PHACTR2: variants seen among roughly 807,000 people sequenced by gnomAD.
PHACTR2 encodes chromosome 6 open reading frame 56.
PHACTR2 carries 30 observed loss-of-function variants against 76.0 expected under a neutral mutation model. The ratio of observed to expected loss-of-function variants is 0.39; its 90% CI spans 0.30 to 0.54. The LOEUF is 0.54. PHACTR2 is among the 20% of genes least tolerant of loss of function. The pLI is 0.61. For synonymous variants in PHACTR2, 292 were observed against 292.5 expected, an observed-to-expected ratio of 1.00 and a Z score of 0.02; for missense variants, 696 against 781.1, an observed-to-expected ratio of 0.89 and a Z score of 1.30.
rs533598653 is a variant in PHACTR2, at chr6:143,647,777, A to G, written c.13+39455A>G. On this transcript the variant is annotated intron_variant, in intron 1 of 11. Coordinates refer to the PHACTR2 transcript ENST00000305766. This position sits in a 1 kb window ranked among gnomAD's most constrained non-coding sequence, Gnocchi z 4.2. ...GTGCACAGCCCCCTGTGCTGGGAAT[A>G]GGCTTGTGTCTGAGAACCACAAAAA... is the stretch of plus-strand genomic sequence containing the variant. Among the ~76,000 whole-genome samples, 1 of 152,300 alleles carries G rather than the reference A, an allele frequency of 6.6e-6. No individual in the cohort carries two copies. The highest frequency in any genetic ancestry group is 1.9e-4 in the East Asian group (1 of 5,180).
Position 143,550,199 on chromosome 6 carries a change from A to C in PHACTR2, c.217+12992A>C, listed in dbSNP as rs1001340334. Among the ~76,000 whole-genome samples, 1 of 152,064 alleles carries C rather than the reference A, an allele frequency of 6.6e-6. No homozygotes were observed. The highest frequency in any genetic ancestry group is 2.4e-5 in the African/African-American group (1 of 41,434). On this transcript the variant is annotated intron_variant, in intron 1 of 11. Transcript: ENST00000367584. This position sits in a 1 kb window ranked among gnomAD's most constrained non-coding sequence, Gnocchi z 4.8. The stretch of plus-strand genomic sequence containing the variant: ...TTCTCATACACATTCTAACATAGGA[A>C]TCACCCGGGGATCTTGTTGAAATGC...
rs189234852 is a variant in PHACTR2, at chr6:143,719,799, C to A, written c.214+7616C>A. On this transcript the variant is annotated intron_variant, in intron 2 of 12. Coordinates refer to ENST00000440869, the MANE Select transcript of PHACTR2 (RefSeq NM_001100164.2). ...ATCTAGATCCACAGAGGGCTTCTTG[C>A]TTTGTGTTCGACACTTTTTTTTTTT... Among the ~76,000 whole-genome samples the A allele has an allele frequency of 1.1e-3, 164 of 142,666 alleles. 2 individuals carry two copies. The highest frequency in any genetic ancestry group is 9.5e-4 in the Non-Finnish European group (63 of 66,236). 93.6% of individuals were successfully genotyped at this position (142,666 alleles called of 152,430 possible). A position where few individuals can be genotyped will look rare whatever the true frequency, so the allele number is the denominator to read the frequency against.
chr6:143,630,523 A>G (rs1302908856), intron 1 of PHACTR2, among the ~76,000 whole-genome samples: 1 of 152,218 alleles, frequency 6.6e-6, no homozygotes, highest in African/African-American at 2.4e-5. Context: ...GTAAACAACT[A>G]TCATTAATCC....
chr6:143,587,066 A>G (rs953605233), intron 1 of PHACTR2, among the ~76,000 whole-genome samples: 10 of 152,202 alleles, frequency 6.6e-5, no homozygotes, highest in East Asian at 1.9e-4. Flanking sequence ...CCTGTTTAGA[A>G]AAAAAAGGTA....
rs148275617 is a variant in PHACTR2 at position 143,592,795 on chromosome 6, C to T, written c.217+55588C>T. On this transcript the variant is annotated intron_variant, in intron 1 of 11. Transcript: ENST00000367584. This position sits in a 1 kb window ranked among gnomAD's most constrained non-coding sequence, Gnocchi z 4.0. ...GGGCACGGTGGCTCAAGCCTGTAATCCCAGCACTTTGGGAGGCCAAGGCGA... is the reference window on the plus strand; with the variant it reads ...GGGCACGGTGGCTCAAGCCTGTAATTCCAGCACTTTGGGAGGCCAAGGCGA... Among the ~76,000 whole-genome samples, 737 of 152,100 alleles carry T rather than the reference C, an allele frequency of 4.8e-3. 6 individuals carry two copies. The highest frequency in any genetic ancestry group is 0.034 in the Middle Eastern group (10 of 292).
chr6:143,578,313 T>C lies in PHACTR2; in HGVS notation c.217+41106T>C, dbSNP rs1315902327. On this transcript the variant is annotated intron_variant, in intron 1 of 11. Transcript: ENST00000367584. The surrounding 1 kb of genome is among the most constrained non-coding windows in gnomAD (Gnocchi z 4.5). The stretch of plus-strand genomic sequence containing the variant: ...ATCCTCCATGTTTCCCCTTCTAGGA[T>C]GATCTAGTTTGATTCAACTCTTCTT... Among the ~76,000 whole-genome samples the C allele has an allele frequency of 2.6e-5, 4 of 152,228 alleles. No individual in the cohort carries two copies. The highest frequency in any genetic ancestry group is 9.6e-5 in the African/African-American group (4 of 41,464).
Position 143,589,526 on chromosome 6 carries a change from G to A in PHACTR2, c.217+52319G>A, listed in dbSNP as rs12199016. On this transcript the variant is annotated intron_variant, in intron 1 of 11. Transcript: ENST00000367584. The surrounding 1 kb of genome is among the most constrained non-coding windows in gnomAD (Gnocchi z 4.4). ...TTCTTTATTAATTACTCAGTCTCAG[G>A]TAGTTCTTGCAATGCGAGAACAGAC... is the stretch of plus-strand genomic sequence containing the variant. Among the ~76,000 whole-genome samples, 42,149 of 151,928 alleles carry A rather than the reference G, an allele frequency of 0.28. 7,255 individuals carry two copies. Among genetic ancestry groups the A allele is most frequent in the Non-Finnish European group, 0.39 (26,538 of 67,950 alleles).
rs1306646031 is a variant in PHACTR2, at chr6:143,581,434, C to T, written c.217+44227C>T. On this transcript the variant is annotated intron_variant, in intron 1 of 11. Transcript: ENST00000367584. This position sits in a 1 kb window ranked among gnomAD's most constrained non-coding sequence, Gnocchi z 4.5. ...GGAACCCACCAGTCAGGCATGATCTCGGAGAGGGCGCTTGTTTGGGGGTTA... is the reference window on the plus strand; with the variant it reads ...GGAACCCACCAGTCAGGCATGATCTTGGAGAGGGCGCTTGTTTGGGGGTTA... Among the ~76,000 whole-genome samples, 1 of 151,966 alleles carries T rather than the reference C, an allele frequency of 6.6e-6. No homozygotes were observed. The highest frequency in any genetic ancestry group is 1.5e-5 in the Non-Finnish European group (1 of 67,996).
At chr6:143,563,060 T>C (rs768032257) in intron 1 of PHACTR2, among the ~76,000 whole-genome samples, 1 of 152,212 alleles carries the variant, frequency 6.6e-6, no homozygotes, top group Non-Finnish European at 1.5e-5. Context: ...GTGGTGAATG[T>C]ACGTAATGCC....
chr6:143,721,794 C>T (rs1303111306), intron 2 of PHACTR2, among the ~76,000 whole-genome samples: 1 of 152,048 alleles, frequency 6.6e-6, no homozygotes, highest in Non-Finnish European at 1.5e-5. Flanking sequence ...TTGTCTAGGT[C>T]ACTCAGTTTT....
In PHACTR2 at chr6:143,639,689, A is replaced by G. The variant is rs1321172255; in HGVS notation, c.13+31367A>G. 6.6e-6 allele frequency among the ~76,000 whole-genome samples: 1 copy of G among 152,214 alleles called. No individual in the cohort carries two copies. Among genetic ancestry groups the G allele is most frequent in the Non-Finnish European group, 1.5e-5 (1 of 68,042 alleles). On this transcript the variant is annotated intron_variant, in intron 1 of 11. Transcript: ENST00000305766. The surrounding 1 kb of genome is among the most constrained non-coding windows in gnomAD (Gnocchi z 5.0). ...CGATGGTTTGAGCAAGACAGTTGAC[A>G]AGCTTGATGTAATTGATCAAGAACT...
chr6:143,820,164 G>T lies in PHACTR2; in HGVS notation c.1923-3510G>T, dbSNP rs1036435624. 6.6e-6 allele frequency among the ~76,000 whole-genome samples: 1 copy of T among 151,954 alleles called. No homozygotes were observed. The highest frequency in any genetic ancestry group is 1.5e-5 in the Non-Finnish European group (1 of 68,014). ...CTCCCAGCCCCACCTCCAGCATTGG[G>T]GATTATATTCCAACATGAGATTTGG... On this transcript the variant is annotated intron_variant, in intron 12 of 12. Coordinates refer to ENST00000440869, the MANE Select transcript of PHACTR2 (RefSeq NM_001100164.2). The surrounding 1 kb of genome is among the most constrained non-coding windows in gnomAD (Gnocchi z 4.2).
chr6:143,643,235 A>C (rs12209438), intron 1 of PHACTR2, among the ~76,000 whole-genome samples: 42,863 of 151,946 alleles, frequency 0.28, 6,088 homozygotes, highest in Middle Eastern at 0.37. Flanking sequence ...TCCCCTGACT[A>C]CTTGATTGGC....
chr6:143,738,638 C>A lies in PHACTR2; in HGVS notation c.215-10347C>A, dbSNP rs541169763. ...GGGCATGGTGGTGCATGCCTGTAGTCCCAGCTACTTAGGAGGCTAAGGTGA... is the reference window on the plus strand; with the variant it reads ...GGGCATGGTGGTGCATGCCTGTAGTACCAGCTACTTAGGAGGCTAAGGTGA... On this transcript the variant is annotated intron_variant, in intron 2 of 12. Transcript: ENST00000440869. The surrounding 1 kb of genome is among the most constrained non-coding windows in gnomAD (Gnocchi z 4.0). Among the ~76,000 whole-genome samples the A allele has an allele frequency of 4.0e-5, 6 of 151,888 alleles. No homozygotes were observed. In the South Asian group the frequency reaches 1.2e-3, roughly 32 times the overall value.
intron 2 of PHACTR2, among the ~76,000 whole-genome samples, chr6:143,719,349 C>CTTT (rs34643788): frequency 7.0e-4 from 61 of 86,888 alleles, no homozygotes; most frequent in African/African-American, 1.7e-3. Flanking sequence ...TTCGACACTT[C>CTTT]TTTTTTTTTT....
intron 5 of PHACTR2, among the ~76,000 whole-genome samples, chr6:143,763,979 A>G (rs557129099): frequency 4.6e-5 from 7 of 152,372 alleles, no homozygotes; most frequent in Admixed American, 1.3e-4. Context: ...AGAAAAGAGT[A>G]TTCTCATAGG....
In PHACTR2 at chr6:143,712,001, T is replaced by C; in HGVS notation, c.47-15T>C. The C allele has an allele frequency of 1.2e-6, 2 of 1,603,322 alleles. No individual in the cohort carries two copies. The highest frequency in any genetic ancestry group is 1.1e-5 in the South Asian group (1 of 89,410). On this transcript the variant is annotated splice_polypyrimidine_tract_variant and intron_variant, in intron 1 of 12. Transcript: ENST00000440869. Reference sequence around the variant, plus strand: ...TTTTTACAACCTTTCTCTGTCTATATCTTTCTTTATACAGTTGACGGACTG... The same window carrying C: ...TTTTTACAACCTTTCTCTGTCTATACCTTTCTTTATACAGTTGACGGACTG...
intron 1 of PHACTR2, among the ~76,000 whole-genome samples, chr6:143,657,555 C>T (rs920957868): frequency 6.6e-6 from 1 of 152,150 alleles, no homozygotes. Context: ...TAGTTTCTCG[C>T]AGGTTGTATT....
intron 1 of PHACTR2, among the ~76,000 whole-genome samples, chr6:143,577,761 T>C (rs1302662927): frequency 7.3e-6 from 1 of 136,552 alleles, no homozygotes; most frequent in Admixed American, 7.2e-5. Flanking sequence ...CTGGTAACCA[T>C]ATCGTCGATG....
Sources: allele counts gnomAD v4.1 joint callset (sites outside exome capture counted in the v4.1 genomes callset), GRCh38; gene constraint gnomAD v4.1.1; non-coding constraint Gnocchi (gnomAD v3.1); transcripts MANE v1.5; gene names NCBI Gene and HGNC (gene_info 2026-07-23, HGNC 2026-07-21).